The following CACNG3 variants were observed in gnomAD, a reference collection of about 807,000 sequenced individuals.
CACNG3 encodes calcium voltage-gated channel auxiliary subunit gamma 3.
In CACNG3, 3 loss-of-function variants were observed where a neutral mutation model predicts 28.5. That is an observed-to-expected ratio of 0.11 (90% CI 0.05 to 0.27). The LOEUF is 0.27. Among genes scored for constraint, CACNG3 ranks in the 10% least tolerant of loss-of-function variants. The probability of loss-of-function intolerance (pLI) is 1.00; values close to 1 mark genes in which losing one functional copy is unlikely to be tolerated. For synonymous variants in CACNG3, 174 were observed against 162.2 expected (o/e 1.07, Z -0.55); for missense variants, 236 against 414.4 (o/e 0.57, Z 3.74).
intron 1 of CACNG3, among the ~76,000 whole-genome samples, chr16:24,299,125 G>A (rs1255052642): frequency 6.6e-6 from 1 of 152,102 alleles, no homozygotes; most frequent in Non-Finnish European, 1.5e-5. Context: ...AGGAAATTAG[G>A]CTTCACTTCC....
At chr16:24,275,711 G>A (rs902812805) in intron 1 of CACNG3, among the ~76,000 whole-genome samples, 1 of 152,292 alleles carries the variant, frequency 6.6e-6, no homozygotes, top group African/African-American at 2.4e-5. Flanking sequence ...AAAATTCAAG[G>A]TTTCAAGTGA....
At chr16:24,296,853 T>C (rs1899037880) in intron 1 of CACNG3, among the ~76,000 whole-genome samples, 1 of 152,140 alleles carries the variant, frequency 6.6e-6, no homozygotes, top group Non-Finnish European at 1.5e-5. Flanking sequence ...TTATTTTGGG[T>C]GTGCAAATGG....
chr16:24,257,518 T>C (rs1380005254), intron 1 of CACNG3, among the ~76,000 whole-genome samples: 2 of 152,006 alleles, frequency 1.3e-5, no homozygotes, highest in Admixed American at 1.3e-4. Flanking sequence ...AACTAGATAT[T>C]GTCATGAACT....
At chr16:24,352,604 T>C (rs1403166451) in intron 2 of CACNG3, among the ~76,000 whole-genome samples, 1 of 152,042 alleles carries the variant, frequency 6.6e-6, no homozygotes, top group Non-Finnish European at 1.5e-5. Flanking sequence ...AGTGGTACGA[T>C]CTCAGCTCAC....
intron 1 of CACNG3, among the ~76,000 whole-genome samples, chr16:24,345,719 A>T (rs1899854685): frequency 6.6e-6 from 1 of 152,220 alleles, no homozygotes; most frequent in Admixed American, 6.5e-5. Flanking sequence ...CAAAAAAGAC[A>T]GCAAATGTGG....
At chr16:24,350,035 T>C (rs1020324587) in intron 2 of CACNG3, among the ~76,000 whole-genome samples, 4 of 150,978 alleles carry the variant, frequency 2.6e-5, no homozygotes, top group Non-Finnish European at 4.4e-5. Flanking sequence ...TCCATATAGT[T>C]TGGGGGGAGA....
intron 1 of CACNG3, among the ~76,000 whole-genome samples, chr16:24,313,859 C>T (rs1899310824): frequency 6.6e-6 from 1 of 152,140 alleles, no homozygotes; most frequent in African/African-American, 2.4e-5. Context: ...ATTCTCCTGC[C>T]TCAGCCTCCC....
intron 1 of CACNG3, among the ~76,000 whole-genome samples, chr16:24,322,683 C>T (rs113806674): frequency 1.3e-5 from 2 of 152,174 alleles, no homozygotes; most frequent in African/African-American, 4.8e-5. Flanking sequence ...CAAATTCTAC[C>T]CCCTCCCCAA....
intron 1 of CACNG3, among the ~76,000 whole-genome samples, chr16:24,341,894 G>A (rs1316902007): frequency 1.3e-5 from 2 of 152,214 alleles, no homozygotes; most frequent in Admixed American, 6.6e-5. Flanking sequence ...ACTCCCGCAT[G>A]GAAATGTGAG....
At chr16:24,311,372 T>C (rs1899260150) in intron 1 of CACNG3, among the ~76,000 whole-genome samples, 2 of 151,260 alleles carry the variant, frequency 1.3e-5, no homozygotes, top group South Asian at 4.2e-4. Flanking sequence ...TTAGCCAGCA[T>C]GGTGGCACCA....
intron 3 of CACNG3, among the ~76,000 whole-genome samples, chr16:24,360,493 T>C (rs1358320921): frequency 6.6e-6 from 1 of 152,186 alleles, no homozygotes; most frequent in South Asian, 2.1e-4. Flanking sequence ...CAACAGCTGA[T>C]CTGAAGCATT....
chr16:24,330,640 C>G (rs1382702996), intron 1 of CACNG3, among the ~76,000 whole-genome samples: 1 of 152,176 alleles, frequency 6.6e-6, no homozygotes, highest in Non-Finnish European at 1.5e-5. Context: ...TTAAGAAGAG[C>G]CCAGGTGATT....
At position 24,351,712 on chromosome 16, in the gene CACNG3, GA is replaced by G. The variant is rs1265982698; in HGVS notation, c.296-3118del. 1.2e-4 allele frequency among the ~76,000 whole-genome samples: 15 copies of G among 128,876 alleles called. No individual in the cohort carries two copies. The East Asian group carries it at 2.9e-3, about 25-fold the overall frequency. 84.5% of individuals were successfully genotyped at this position (128,876 alleles called of 152,430 possible). A position where few individuals can be genotyped will look rare whatever the true frequency, so the allele number is the denominator to read the frequency against. Reference sequence around the variant, plus strand: ...AAAGAAAGAAAGAGAAAGAAAGAAAGAAAGGAGGGAGGGAGAGAGAGAGAAA... The same window carrying G: ...AAAGAAAGAAAGAGAAAGAAAGAAAGAAGGAGGGAGGGAGAGAGAGAGAAA... On this transcript the variant is annotated intron_variant, in intron 2 of 3. Transcript: ENST00000005284.
chr16:24,289,613 C>T (rs1037031774), intron 1 of CACNG3, among the ~76,000 whole-genome samples: 12 of 152,180 alleles, frequency 7.9e-5, no homozygotes, highest in Non-Finnish European at 1.8e-4. Flanking sequence ...TCTCCATCCC[C>T]ATTCTAGCTC....
chr16:24,320,535 T>C (rs911982967), intron 1 of CACNG3, among the ~76,000 whole-genome samples: 5 of 152,130 alleles, frequency 3.3e-5, no homozygotes, highest in African/African-American at 1.2e-4. Context: ...ACCTTAGAAA[T>C]AATGCTAATA....
At chr16:24,336,448 T>A (rs1368184153) in intron 1 of CACNG3, among the ~76,000 whole-genome samples, 1 of 151,812 alleles carries the variant, frequency 6.6e-6, no homozygotes, top group African/African-American at 2.4e-5. Flanking sequence ...ATTTTGTTTT[T>A]GTATTTTTAG....
intron 1 of CACNG3, among the ~76,000 whole-genome samples, chr16:24,279,746 T>C (rs566784306): frequency 6.6e-6 from 1 of 152,362 alleles, no homozygotes; most frequent in East Asian, 1.9e-4. Context: ...TTCCTGACTG[T>C]TGCATGTAAA....
intron 1 of CACNG3, among the ~76,000 whole-genome samples, chr16:24,309,297 G>C (rs941087224): frequency 6.6e-6 from 1 of 152,226 alleles, no homozygotes; most frequent in Non-Finnish European, 1.5e-5. Context: ...TGTGCTATGA[G>C]ATAAGGGAGT....
At chr16:24,319,432 A>C (rs781022274) in intron 1 of CACNG3, among the ~76,000 whole-genome samples, 14 of 152,066 alleles carry the variant, frequency 9.2e-5, no homozygotes, top group Non-Finnish European at 1.9e-4. Flanking sequence ...TGTGTGTGTA[A>C]GGTTGCAATG....
Sources: allele counts gnomAD v4.1 joint callset (sites outside exome capture counted in the v4.1 genomes callset), GRCh38; gene constraint gnomAD v4.1.1; transcripts MANE v1.5; gene names NCBI Gene and HGNC (gene_info 2026-07-23, HGNC 2026-07-21).